TMEM207: variants seen among roughly 807,000 people sequenced by gnomAD.
TMEM207 encodes the protein transmembrane protein 207.
In TMEM207, 15 loss-of-function variants were observed where a neutral mutation model predicts 17.4. That is an observed-to-expected ratio of 0.86 (90% confidence interval 0.58 to 1.33). TMEM207 has a LOEUF of 1.33. Ranked by LOEUF, TMEM207 falls within the 40% of genes most tolerant of loss-of-function variation. The probability of loss-of-function intolerance (pLI) is 0.00; values close to 1 mark genes in which losing one functional copy is unlikely to be tolerated. For missense variants in TMEM207, 205 were observed against 173.8 expected, an observed-to-expected ratio of 1.18 and a Z score of -1.01; for synonymous variants, 70 against 65.6, an observed-to-expected ratio of 1.07 and a Z score of -0.33.
At chr3:190,443,447 A>C (rs79838241) in intron 2 of TMEM207, among the ~76,000 whole-genome samples, 14,143 of 152,104 alleles carry the variant, frequency 0.093, 906 homozygotes, top group Non-Finnish European at 0.14. Context: ...GTTTCTGATA[A>C]GAAATAACAT....
intron 4 of TMEM207, among the ~76,000 whole-genome samples, chr3:190,439,241 T>A (rs1283832732): frequency 2.1e-5 from 3 of 144,568 alleles, no homozygotes; most frequent in Admixed American, 2.1e-4. Flanking sequence ...CTCTGTTAAG[T>A]AATAACCTTT....
chr3:190,443,379 A>C (rs1310258872), intron 2 of TMEM207, among the ~76,000 whole-genome samples: 2 of 151,884 alleles, frequency 1.3e-5, no homozygotes, highest in Non-Finnish European at 1.5e-5. Context: ...TGGGCTAACA[A>C]TTTTCCAAAC....
At chr3:190,438,234 CTT>C (rs1320448191) in intron 4 of TMEM207, among the ~76,000 whole-genome samples, 1 of 151,504 alleles carries the variant, frequency 6.6e-6, no homozygotes, top group African/African-American at 2.4e-5. Flanking sequence ...TACCCTAAAA[CTT>C]AAAGTATAAT....
rs756360816 is a variant in TMEM207, at chr3:190,445,802, A to G, written c.113+1988T>C. Among the ~76,000 whole-genome samples the G allele has an allele frequency of 3.3e-4, 50 of 152,232 alleles. 1 individual carries two copies. Among genetic ancestry groups the G allele is most frequent in the Non-Finnish European group, 5.6e-4 (38 of 68,036 alleles). On this transcript the variant is annotated intron_variant, in intron 2 of 4. Transcript: ENST00000354905. ...TGGCATCCCAAAGTGCTAGGATTAC[A>G]GGGTTAGCCACTGCGCCCGGTCGAC...
chr3:190,430,562 G>C (rs1029026536), intron 4 of TMEM207, among the ~76,000 whole-genome samples: 2 of 151,490 alleles, frequency 1.3e-5, no homozygotes, highest in Non-Finnish European at 2.9e-5. Flanking sequence ...TAAAGAATAT[G>C]TATTCACCTG....
At chr3:190,430,674 C>T (rs915008055) in intron 4 of TMEM207, among the ~76,000 whole-genome samples, 1 of 151,934 alleles carries the variant, frequency 6.6e-6, no homozygotes, top group East Asian at 1.9e-4. Flanking sequence ...TGAACTAAAT[C>T]GGGCCTCTGA....
chr3:190,437,996 G>A (rs1719839726), intron 4 of TMEM207, among the ~76,000 whole-genome samples: 1 of 150,486 alleles, frequency 6.6e-6, no homozygotes, highest in Admixed American at 6.6e-5. Context: ...ACTATCGCAA[G>A]GACAAAAAAC....
At chr3:190,429,914 GA>G (rs35489958) in intron 4 of TMEM207, among the ~76,000 whole-genome samples, 183 bp from the exon 5 acceptor site, 31,223 of 127,034 alleles carry the variant, frequency 0.25, 3,460 homozygotes, top group East Asian at 0.39. Context: ...CCACAGGGGG[GA>G]AAAAAAAAAT....
intron 4 of TMEM207, among the ~76,000 whole-genome samples, chr3:190,436,216 G>A (rs1719800974): frequency 6.6e-6 from 1 of 152,132 alleles, no homozygotes; most frequent in South Asian, 2.1e-4. Flanking sequence ...TTAAGTTTTG[G>A]GAGGAACCCA....
In TMEM207 at chr3:190,429,332, T is replaced by A. The variant is rs1719639393; in HGVS notation, c.*263A>T. 1 of 395,394 alleles carries A rather than the reference T, an allele frequency of 2.5e-6. No homozygotes were observed. The highest frequency in any genetic ancestry group is 4.6e-6 in the Non-Finnish European group (1 of 217,860). 24.5% of individuals were successfully genotyped at this position (395,394 alleles called of 1,614,324 possible). ...AGCACCTAATTGTTGCCTGTTTGGA[T>A]ACTAGTGGAGAAGCATTAATTTGGT... On this transcript the variant is annotated 3_prime_UTR_variant, in exon 5 of 5. Transcript: ENST00000354905.
intron 4 of TMEM207, among the ~76,000 whole-genome samples, chr3:190,433,923 C>T (rs901818682): frequency 6.6e-6 from 1 of 152,046 alleles, no homozygotes; most frequent in Non-Finnish European, 1.5e-5. Context: ...ACACCACCCG[C>T]CTCCCACTCT....
At chr3:190,449,183 T>A (rs1233872511) in intron 1 of TMEM207, among the ~76,000 whole-genome samples, 14 of 152,194 alleles carry the variant, frequency 9.2e-5, no homozygotes, top group Admixed American at 9.2e-4. Flanking sequence ...CCAGTTATTA[T>A]GAAGAGGTAA....
At chr3:190,432,746 C>G (rs1719718470) in intron 4 of TMEM207, among the ~76,000 whole-genome samples, 1 of 152,162 alleles carries the variant, frequency 6.6e-6, no homozygotes, top group Non-Finnish European at 1.5e-5. Flanking sequence ...TCAGAGCACT[C>G]ATACATAATC....
chr3:190,439,590 CT>C (rs2108535588), intron 4 of TMEM207, among the ~76,000 whole-genome samples: 1 of 152,256 alleles, frequency 6.6e-6, no homozygotes, highest in African/African-American at 2.4e-5. Flanking sequence ...TTTTTTTCTA[CT>C]CACAGCTAAG....
intron 1 of TMEM207, among the ~76,000 whole-genome samples, chr3:190,448,306 T>C (rs1720094342): frequency 1.3e-5 from 2 of 152,256 alleles, no homozygotes; most frequent in South Asian, 4.1e-4. Flanking sequence ...AAAGGGCGAC[T>C]TTAACCTGCT....
intron 4 of TMEM207, 24 bp downstream of exon 4, chr3:190,440,220 T>C: frequency 6.2e-7 from 1 of 1,604,110 alleles, no homozygotes; most frequent in Non-Finnish European, 8.5e-7. Context: ...CAAAAAAGAG[T>C]CCAGAAGCGT....
rs370479397 is a variant in TMEM207, at chr3:190,440,407, C to T, written c.159-18G>A. On this transcript the variant is annotated intron_variant, in intron 3 of 4. Coordinates refer to ENST00000354905, the MANE Select transcript of TMEM207 (RefSeq NM_207316.3). ...GGAGGATCCTGACTCCAAAAGTAACCGAGAAAAGAATGAGGTAGAGTATGC... is the reference window on the plus strand; with the variant it reads ...GGAGGATCCTGACTCCAAAAGTAACTGAGAAAAGAATGAGGTAGAGTATGC... 2.2e-5 allele frequency: 36 copies of T among 1,601,814 alleles called. No individual in the cohort carries two copies. The highest frequency in any genetic ancestry group is 3.5e-5 in the Admixed American group (2 of 57,046).
In TMEM207 at chr3:190,429,271, T is replaced by C. The variant is rs1236641443; in HGVS notation, c.*324A>G. 1.1e-5 allele frequency: 3 copies of C among 262,450 alleles called. No individual in the cohort carries two copies. Among genetic ancestry groups the C allele is most frequent in the Non-Finnish European group, 2.2e-5 (3 of 135,312 alleles). 16.3% of individuals were successfully genotyped at this position (262,450 alleles called of 1,614,324 possible). A position where few individuals can be genotyped will look rare whatever the true frequency, so the allele number is the denominator to read the frequency against. On this transcript the variant is annotated 3_prime_UTR_variant, in exon 5 of 5. Transcript: ENST00000354905. ...AAGCAGAAAATGGTGTGCTGTATAC[T>C]GCAGTGGAGTCCTAAATGTGATGGA... is the stretch of plus-strand genomic sequence containing the variant.
intron 3 of TMEM207, among the ~76,000 whole-genome samples, chr3:190,440,915 A>G (rs1214881360): frequency 6.6e-6 from 1 of 152,134 alleles, no homozygotes; most frequent in African/African-American, 2.4e-5. Context: ...AAAAAATACA[A>G]AAAATTAGCT....
Sources: allele counts gnomAD v4.1 joint callset (sites outside exome capture counted in the v4.1 genomes callset), GRCh38; gene constraint gnomAD v4.1.1; transcripts MANE v1.5; gene names NCBI Gene and HGNC (gene_info 2026-07-23, HGNC 2026-07-21).